RFTN2: variants seen among roughly 807,000 people sequenced by gnomAD.
RFTN2 encodes raftlin family member 2, also known as raftlin-2.
RFTN2 carries 34 observed loss-of-function variants against 52.7 expected under a neutral mutation model. That is an observed-to-expected ratio of 0.64 (90% confidence interval 0.49 to 0.86). RFTN2 has a LOEUF of 0.86. Ranked by LOEUF, RFTN2 falls within the 40% of genes least tolerant of loss-of-function variation. The pLI, the probability that RFTN2 is intolerant of heterozygous loss-of-function variation, is 0.00. For synonymous variants in RFTN2, 203 were observed against 217.7 expected (o/e 0.93, Z 0.59); for missense variants, 536 against 600.1 (o/e 0.89, Z 1.12).
chr2:197,646,771 C>A (rs140375787), intron 1 of RFTN2, 105 bp from the exon 2 acceptor site: 2 of 905,360 alleles, frequency 2.2e-6, no homozygotes, highest in South Asian at 1.7e-5. Flanking sequence ...AGATCTTGGC[C>A]GGGTGCAATG....
intron 1 of RFTN2, among the ~76,000 whole-genome samples, chr2:197,658,003 G>A (rs981688604): frequency 6.6e-6 from 1 of 152,076 alleles, no homozygotes; most frequent in African/African-American, 2.4e-5. Flanking sequence ...TGTGCCTATA[G>A]AGTCAGGAAT....
intron 8 of RFTN2, among the ~76,000 whole-genome samples, chr2:197,588,860 T>C (rs759636345): frequency 3.3e-5 from 5 of 152,260 alleles, no homozygotes; most frequent in East Asian, 3.9e-4. Context: ...TGGGAGATAA[T>C]TGAATCACAG....
intron 3 of RFTN2, among the ~76,000 whole-genome samples, chr2:197,643,320 T>G (rs80172713): frequency 2.6e-5 from 4 of 152,048 alleles, no homozygotes; most frequent in Admixed American, 6.6e-5. Flanking sequence ...TTGGAACTCC[T>G]GGCCTCAAGT....
At chr2:197,615,172 T>C (rs899554401) in intron 7 of RFTN2, among the ~76,000 whole-genome samples, 5 of 152,212 alleles carry the variant, frequency 3.3e-5, no homozygotes, top group African/African-American at 2.4e-5. Context: ...GGGAAGTTGC[T>C]TTCCTTAGTC....
chr2:197,645,923 G>A (rs2088741578), intron 2 of RFTN2, among the ~76,000 whole-genome samples: 1 of 152,214 alleles, frequency 6.6e-6, no homozygotes, highest in South Asian at 2.1e-4. Flanking sequence ...CTACTTGGGA[G>A]GCTGAGGCAG....
chr2:197,629,731 AT>A (rs386392250), intron 5 of RFTN2, among the ~76,000 whole-genome samples: 3 of 146,984 alleles, frequency 2.0e-5, no homozygotes, highest in African/African-American at 5.1e-5. Flanking sequence ...ATTTTATTTT[AT>A]TTTTTTTTGA....
chr2:197,628,117 C>A (rs532244363), intron 5 of RFTN2, among the ~76,000 whole-genome samples: 25 of 152,158 alleles, frequency 1.6e-4, no homozygotes, highest in African/African-American at 6.0e-4. Context: ...ACAAAGCGAC[C>A]AATTCAGCCC....
At chr2:197,573,077 T>C (rs1315935380) in intron 8 of RFTN2, among the ~76,000 whole-genome samples, 2 of 145,252 alleles carry the variant, frequency 1.4e-5, no homozygotes, top group African/African-American at 2.6e-5. Context: ...AACAGACTAA[T>C]ACAGTAAATT....
At chr2:197,663,382 A>T (rs995310125) in intron 1 of RFTN2, among the ~76,000 whole-genome samples, 1 of 152,066 alleles carries the variant, frequency 6.6e-6, no homozygotes, top group African/African-American at 2.4e-5. Context: ...CTTGAGGAGG[A>T]TTGGTATTAG....
intron 5 of RFTN2, among the ~76,000 whole-genome samples, chr2:197,618,927 C>G (rs1349077118): frequency 1.3e-5 from 2 of 150,194 alleles, no homozygotes; most frequent in Non-Finnish European, 3.0e-5. Context: ...CGTCTCTGCC[C>G]GGCAGCCACC....
intron 5 of RFTN2, among the ~76,000 whole-genome samples, chr2:197,628,187 AC>A (rs747392119): frequency 2.0e-5 from 3 of 152,140 alleles, no homozygotes; most frequent in Non-Finnish European, 1.5e-5. Flanking sequence ...CCCCTTGGCA[AC>A]TTCCCTGTGT....
intron 1 of RFTN2, among the ~76,000 whole-genome samples, chr2:197,674,432 TAA>T (rs1057364585): frequency 5.3e-5 from 8 of 150,886 alleles, no homozygotes; most frequent in African/African-American, 1.7e-4. Flanking sequence ...TAATTTAGTA[TAA>T]ACTTTTTGTG....
intron 1 of RFTN2, among the ~76,000 whole-genome samples, chr2:197,649,989 G>C (rs940366459): frequency 6.6e-6 from 1 of 152,112 alleles, no homozygotes; most frequent in Non-Finnish European, 1.5e-5. Context: ...GAGTTGGATT[G>C]TAGTAATGGC....
At chr2:197,644,035 T>C (rs748595563) in intron 3 of RFTN2, 123 bp downstream of exon 3, 2 of 690,916 alleles carry the variant, frequency 2.9e-6, no homozygotes, top group Non-Finnish European at 5.2e-6. Context: ...CGATATGTTT[T>C]AAATTCTGGT....
intron 3 of RFTN2, 94 bp downstream of exon 3, chr2:197,644,064 T>G (rs1285255041): frequency 1.2e-6 from 1 of 800,262 alleles, no homozygotes; most frequent in African/African-American, 1.7e-5. Context: ...TACCTGTCAT[T>G]TCCTTATTCT....
intron 8 of RFTN2, among the ~76,000 whole-genome samples, chr2:197,590,902 T>C (rs749238580): frequency 6.6e-6 from 1 of 152,140 alleles, no homozygotes; most frequent in Non-Finnish European, 1.5e-5. Flanking sequence ...CACAATTTAT[T>C]GCAAAAAGTA....
intron 1 of RFTN2, among the ~76,000 whole-genome samples, chr2:197,652,805 C>T (rs2088842783): frequency 1.3e-5 from 2 of 152,130 alleles, no homozygotes; most frequent in Admixed American, 1.3e-4. Context: ...AAAAATCTAA[C>T]AGGGATAAAG....
intron 5 of RFTN2, among the ~76,000 whole-genome samples, chr2:197,628,157 A>G (rs1171478369): frequency 6.7e-6 from 1 of 148,884 alleles, no homozygotes; most frequent in Non-Finnish European, 1.5e-5. Flanking sequence ...TCACAGTGAC[A>G]CAGATATTGG....
At chr2:197,644,648 T>C (rs2088722998) in intron 2 of RFTN2, among the ~76,000 whole-genome samples, 1 of 152,232 alleles carries the variant, frequency 6.6e-6, no homozygotes. Context: ...TCTTCTTTTC[T>C]GATCTTTTTT....
Sources: allele counts gnomAD v4.1 joint callset (sites outside exome capture counted in the v4.1 genomes callset), GRCh38; gene constraint gnomAD v4.1.1; transcripts MANE v1.5; gene names NCBI Gene and HGNC (gene_info 2026-07-23, HGNC 2026-07-21).